The following RBPMS variants were observed in gnomAD, a reference collection of about 807,000 sequenced individuals.
RBPMS encodes the protein RNA binding protein, mRNA processing factor.
Under a neutral mutation model 26.8 loss-of-function variants are expected in RBPMS, and 7 were observed. That is an observed-to-expected ratio of 0.26 (90% CI 0.15 to 0.49). The LOEUF (loss-of-function observed/expected upper bound fraction) is 0.49. Among genes scored for constraint, RBPMS ranks in the 20% least tolerant of loss-of-function variants. The pLI is 0.98. For synonymous variants in RBPMS, 96 were observed against 93.3 expected, an observed-to-expected ratio of 1.03 and a Z score of -0.17; for missense variants, 186 against 250.0, an observed-to-expected ratio of 0.74 and a Z score of 1.73.
intron 4 of RBPMS, among the ~76,000 whole-genome samples, chr8:30,486,361 ACAT>A (rs1373113097): frequency 2.3e-4 from 25 of 109,908 alleles, no homozygotes; most frequent in African/African-American, 8.5e-4. Context: ...TAAATAAATA[ACAT>A]AAAAAAAAAA....
At chr8:30,449,356 C>T (rs113434652) in intron 1 of RBPMS, among the ~76,000 whole-genome samples, 6 of 144,686 alleles carry the variant, frequency 4.1e-5, no homozygotes, top group African/African-American at 1.5e-4. Flanking sequence ...GGATCCTTTT[C>T]CTCACATCTC....
chr8:30,387,898 T>C (rs1807299840), intron 1 of RBPMS, among the ~76,000 whole-genome samples: 1 of 152,188 alleles, frequency 6.6e-6, no homozygotes, highest in South Asian at 2.1e-4. Flanking sequence ...GAATGAACAG[T>C]TCAGGATCTA....
intron 5 of RBPMS, among the ~76,000 whole-genome samples, chr8:30,515,018 G>GTCTCA (rs1822158222): frequency 6.6e-6 from 1 of 152,054 alleles, no homozygotes; most frequent in South Asian, 2.1e-4. Flanking sequence ...TAGAGACCAT[G>GTCTCA]TCTCACTCTG....
At chr8:30,428,172 C>T (rs1228010295) in intron 1 of RBPMS, among the ~76,000 whole-genome samples, 2 of 151,866 alleles carry the variant, frequency 1.3e-5, no homozygotes, top group Non-Finnish European at 2.9e-5. Flanking sequence ...TACAGGTGCA[C>T]ACCACCACGC....
chr8:30,472,253 T>C (rs987358551), intron 1 of RBPMS, among the ~76,000 whole-genome samples: 1 of 152,204 alleles, frequency 6.6e-6, no homozygotes, highest in Non-Finnish European at 1.5e-5. Context: ...TTCAACAACA[T>C]AGATGAATCT....
At chr8:30,523,830 C>T (rs1431405450) in intron 5 of RBPMS, among the ~76,000 whole-genome samples, 1 of 152,066 alleles carries the variant, frequency 6.6e-6, no homozygotes, top group East Asian at 1.9e-4. Context: ...AGTGGATTAT[C>T]TTGCTTTCCA....
intron 6 of RBPMS, among the ~76,000 whole-genome samples, chr8:30,550,780 C>T (rs191112609): frequency 8.7e-4 from 132 of 152,304 alleles, no homozygotes; most frequent in South Asian, 1.5e-3. Flanking sequence ...AGGCTGGACA[C>T]GGCCACCGGA....
chr8:30,500,688 T>C (rs982841042), intron 4 of RBPMS, among the ~76,000 whole-genome samples: 2 of 152,190 alleles, frequency 1.3e-5, no homozygotes, highest in African/African-American at 4.8e-5. Flanking sequence ...TCTGTGTCTC[T>C]ATATAGGCTC....
At chr8:30,462,216 A>C (rs1352760825) in intron 1 of RBPMS, among the ~76,000 whole-genome samples, 1 of 152,162 alleles carries the variant, frequency 6.6e-6, no homozygotes, top group Non-Finnish European at 1.5e-5. Flanking sequence ...ACCTTTTTGC[A>C]TTCCCAACAG....
chr8:30,479,450 G>A (rs1214174079), intron 4 of RBPMS, 73 bp downstream of exon 4: 5 of 1,097,372 alleles, frequency 4.6e-6, no homozygotes, highest in Non-Finnish European at 6.9e-6. Context: ...TCTTTGGACG[G>A]GAAATCAAGT....
intron 6 of RBPMS, among the ~76,000 whole-genome samples, chr8:30,546,663 T>A (rs1825889444): frequency 6.6e-6 from 1 of 152,222 alleles, no homozygotes; most frequent in Admixed American, 6.5e-5. Flanking sequence ...GTCCCAGATT[T>A]GGTGGGACTC....
At chr8:30,487,883 A>G (rs931507913) in intron 4 of RBPMS, among the ~76,000 whole-genome samples, 1 of 152,168 alleles carries the variant, frequency 6.6e-6, no homozygotes, top group Non-Finnish European at 1.5e-5. Flanking sequence ...AGTAGATAAC[A>G]TTTTGAAAAA....
chr8:30,391,988 G>A (rs1807842777), intron 1 of RBPMS, among the ~76,000 whole-genome samples: 1 of 151,984 alleles, frequency 6.6e-6, no homozygotes, highest in Admixed American at 6.6e-5. Flanking sequence ...ATGGGGAAGT[G>A]GCTGAAGCCC....
At chr8:30,556,222 A>C (rs1826895121) in intron 6 of RBPMS, 1 of 985,304 alleles carries the variant, frequency 1.0e-6, no homozygotes. Flanking sequence ...CACCTATTGC[A>C]TCACTGGCGT....
Position 30,411,793 on chromosome 8 carries a change from G to T in RBPMS, c.66+26635G>T, listed in dbSNP as rs535766525. 2.0e-5 allele frequency among the ~76,000 whole-genome samples: 3 copies of T among 152,072 alleles called. No individual in the cohort carries two copies. In the South Asian group the frequency reaches 6.2e-4, roughly 32 times the overall value. On this transcript the variant is annotated intron_variant, in intron 1 of 8. Transcript: ENST00000397323. ...GGTCAGGAGTTCCGAGACTAGCCTTGCCCACATGGTGAAACCCTGTCTCTA... is the reference window on the plus strand; with the variant it reads ...GGTCAGGAGTTCCGAGACTAGCCTTTCCCACATGGTGAAACCCTGTCTCTA...
Position 30,566,247 on chromosome 8 carries a change from T to C in RBPMS, c.*8-10T>C, listed in dbSNP as rs1345482686. 2 of 985,730 alleles carry C rather than the reference T, an allele frequency of 2.0e-6. No individual in the cohort carries two copies. Among genetic ancestry groups the C allele is most frequent in the African/African-American group, 3.5e-5 (2 of 57,260 alleles). 61.1% of individuals were successfully genotyped at this position (985,730 alleles called of 1,614,324 possible). On this transcript the variant is annotated splice_polypyrimidine_tract_variant and intron_variant, in intron 7 of 8. Coordinates refer to ENST00000397323, the MANE Select transcript of RBPMS (RefSeq NM_001008710.3). The stretch of plus-strand genomic sequence containing the variant: ...GTGCACCGTTAACGGGTGATCTTTC[T>C]CCATCCCAGGTCCCAGGTGTGTGAT...
At chr8:30,514,144 T>C (rs1305596680) in intron 5 of RBPMS, among the ~76,000 whole-genome samples, 1 of 151,982 alleles carries the variant, frequency 6.6e-6, no homozygotes, top group Non-Finnish European at 1.5e-5. Flanking sequence ...GCATCCTCAC[T>C]CCTGCACACT....
Position 30,551,355 on chromosome 8 carries a change from C to T in RBPMS, c.528+6731C>T, listed in dbSNP as rs563824561. On this transcript the variant is annotated intron_variant, in intron 6 of 8. Coordinates refer to ENST00000397323, the MANE Select transcript of RBPMS (RefSeq NM_001008710.3). ...GGAAATGCCGTTCAGAAACCAGAGT[C>T]GGTCCCCTAGTGTATGGCTGTGTGG... Among the ~76,000 whole-genome samples, 79 of 152,312 alleles carry T rather than the reference C, an allele frequency of 5.2e-4. 1 individual carries two copies. The South Asian group carries it at 0.013, about 25-fold the overall frequency.
At chr8:30,550,698 C>T (rs1177711606) in intron 6 of RBPMS, among the ~76,000 whole-genome samples, 1 of 152,202 alleles carries the variant, frequency 6.6e-6, no homozygotes, top group Non-Finnish European at 1.5e-5. Context: ...CTGCCCTGCT[C>T]CTGGCAGTGT....
Sources: allele counts gnomAD v4.1 joint callset (sites outside exome capture counted in the v4.1 genomes callset), GRCh38; gene constraint gnomAD v4.1.1; transcripts MANE v1.5; gene names NCBI Gene and HGNC (gene_info 2026-07-23, HGNC 2026-07-21).